Variants in PHF20 observed in about 807,000 individuals in gnomAD.
PHF20 encodes the protein glioma-expressed antigen 2.
In PHF20, 23 loss-of-function variants were observed where a neutral mutation model predicts 113.5. The observed-to-expected ratio is 0.20, with a 90% confidence interval of 0.15 to 0.29. The LOEUF (loss-of-function observed/expected upper bound fraction) is 0.29, where lower values mean the gene tolerates loss of function less well. PHF20 is among the 10% of genes least tolerant of loss of function. PHF20 has a pLI of 1.00. For synonymous variants in PHF20, 434 were observed against 457.3 expected (o/e 0.95, Z 0.65); for missense variants, 943 against 1,219.6 (o/e 0.77, Z 3.38).
chr20:35,875,686 C>T (rs17093203), intron 9 of PHF20, among the ~76,000 whole-genome samples: 7,392 of 152,166 alleles, frequency 0.049, 233 homozygotes, highest in African/African-American at 0.099. Context: ...GCAGGGAGAA[C>T]TCTAGATGAC....
At chr20:35,845,780 C>CTTT (rs398061407) in intron 3 of PHF20, among the ~76,000 whole-genome samples, 4 of 135,286 alleles carry the variant, frequency 3.0e-5, no homozygotes, top group Admixed American at 7.5e-5. Context: ...ATTTTTCTTT[C>CTTT]TTTTTTTTTT....
At chr20:35,931,473 C>A (rs557356521) in intron 15 of PHF20, 29 bp downstream of exon 15, 4 of 1,575,332 alleles carry the variant, frequency 2.5e-6, no homozygotes, top group Admixed American at 3.4e-5. Flanking sequence ...GTGCTGGGAG[C>A]AGTCTGTTTG....
intron 3 of PHF20, 141 bp downstream of exon 3, chr20:35,842,885 C>T: frequency 1.5e-6 from 1 of 675,048 alleles, no homozygotes; most frequent in East Asian, 2.8e-5. Flanking sequence ...TCTATGACAC[C>T]TGGGGCTCTT....
At chr20:35,885,614 G>T (rs1318614243) in intron 9 of PHF20, among the ~76,000 whole-genome samples, 2 of 150,940 alleles carry the variant, frequency 1.3e-5, no homozygotes, top group Non-Finnish European at 2.9e-5. Flanking sequence ...ATTTGATTTG[G>T]GTTATTCACT....
chr20:35,778,517 A>G (rs2041220168), intron 1 of PHF20, among the ~76,000 whole-genome samples: 1 of 152,126 alleles, frequency 6.6e-6, no homozygotes, highest in African/African-American at 2.4e-5. Context: ...TGGGAGGCCA[A>G]GTCGGATGGA....
At chr20:35,884,663 A>G (rs1158185975) in intron 9 of PHF20, among the ~76,000 whole-genome samples, 4 of 152,192 alleles carry the variant, frequency 2.6e-5, no homozygotes, top group Non-Finnish European at 5.9e-5. Flanking sequence ...AGACTTATAC[A>G]TCTATGTAGC....
At chr20:35,788,156 G>A (rs573152036) in intron 1 of PHF20, among the ~76,000 whole-genome samples, 13 of 151,192 alleles carry the variant, frequency 8.6e-5, no homozygotes, top group African/African-American at 2.2e-4. Flanking sequence ...GAGTGCAGTG[G>A]CGCGATCTCG....
intron 9 of PHF20, among the ~76,000 whole-genome samples, chr20:35,894,940 C>T (rs1182566063): frequency 2.6e-5 from 4 of 152,176 alleles, no homozygotes; most frequent in Admixed American, 6.5e-5. Context: ...ACTGCGATCT[C>T]GACCTCCTGG....
intron 1 of PHF20, among the ~76,000 whole-genome samples, chr20:35,786,916 CA>C: frequency 1.3e-5 from 2 of 151,932 alleles, no homozygotes; most frequent in Non-Finnish European, 2.9e-5. Context: ...TAACACTCTT[CA>C]AAGAACCTCC....
chr20:35,839,816 G>T (rs140913709), intron 2 of PHF20, among the ~76,000 whole-genome samples: 2 of 152,318 alleles, frequency 1.3e-5, no homozygotes, highest in Admixed American at 6.5e-5. Flanking sequence ...AGTGATGGGG[G>T]CCTGAACTTG....
At chr20:35,823,311 A>C (rs2042203155) in intron 2 of PHF20, among the ~76,000 whole-genome samples, 1 of 151,786 alleles carries the variant, frequency 6.6e-6, no homozygotes, top group East Asian at 1.9e-4. Flanking sequence ...CACCACAATC[A>C]AGATATGGGC....
intron 6 of PHF20, among the ~76,000 whole-genome samples, chr20:35,865,172 GACAAA>G (rs923492521): frequency 9.9e-5 from 15 of 151,866 alleles, no homozygotes; most frequent in African/African-American, 2.9e-4. Context: ...CAGCTTGGGC[GACAAA>G]ACAAAAAAAA....
intron 2 of PHF20, among the ~76,000 whole-genome samples, chr20:35,809,398 G>T (rs372522435): frequency 6.6e-6 from 1 of 151,946 alleles, no homozygotes; most frequent in East Asian, 1.9e-4. Flanking sequence ...GGCCAACATG[G>T]TGAAACCCTG....
At chr20:35,805,592 C>G (rs2041866255) in intron 2 of PHF20, among the ~76,000 whole-genome samples, 1 of 151,514 alleles carries the variant, frequency 6.6e-6, no homozygotes, top group Non-Finnish European at 1.5e-5. Context: ...CTTGGCTTCC[C>G]AAAGTGCTGG....
intron 9 of PHF20, among the ~76,000 whole-genome samples, chr20:35,893,101 G>A (rs1398866393): frequency 6.6e-6 from 1 of 152,204 alleles, no homozygotes; most frequent in Non-Finnish European, 1.5e-5. Context: ...GAGGCAGCTG[G>A]TCCACCTGAG....
chr20:35,783,818 C>T (rs1049855223), intron 1 of PHF20, among the ~76,000 whole-genome samples: 1 of 151,498 alleles, frequency 6.6e-6, no homozygotes, highest in Non-Finnish European at 1.5e-5. Flanking sequence ...CCCATCTCTA[C>T]TAAAAATACA....
At chr20:35,878,616 A>G in intron 9 of PHF20, 1 of 770,434 alleles carries the variant, frequency 1.3e-6, no homozygotes, top group Non-Finnish European at 2.4e-6. Context: ...AGCAGGGGAA[A>G]TACTAAAATG....
intron 10 of PHF20, among the ~76,000 whole-genome samples, chr20:35,912,273 C>T (rs895332249): frequency 2.0e-5 from 3 of 152,140 alleles, no homozygotes; most frequent in East Asian, 3.9e-4. Context: ...CCACCGCACC[C>T]AGCAATGACT....
At chr20:35,812,338 C>T (rs1462965397) in intron 2 of PHF20, among the ~76,000 whole-genome samples, 2 of 152,010 alleles carry the variant, frequency 1.3e-5, no homozygotes, top group African/African-American at 4.8e-5. Flanking sequence ...AATCTTTCTT[C>T]TTCCCGGGAG....
Sources: allele counts gnomAD v4.1 joint callset (sites outside exome capture counted in the v4.1 genomes callset), GRCh38; gene constraint gnomAD v4.1.1; transcripts MANE v1.5; gene names NCBI Gene and HGNC (gene_info 2026-07-23, HGNC 2026-07-21).